Variants in ZNF701 observed in about 807,000 individuals in gnomAD.
ZNF701 encodes the protein zinc finger protein 701.
Under a neutral mutation model 7.1 loss-of-function variants are expected in ZNF701, and 6 were observed. The observed-to-expected ratio is 0.84, with a 90% CI of 0.46 to 1.66. ZNF701 has a LOEUF of 1.66. Among genes scored for constraint, ZNF701 ranks in the 40% most tolerant of loss-of-function variants. The pLI is 0.01. For missense variants in ZNF701, 541 were observed against 559.2 expected, an observed-to-expected ratio of 0.97 and a Z score of 0.33; for synonymous variants, 166 against 188.2, an observed-to-expected ratio of 0.88 and a Z score of 0.97.
Position 52,583,712 on chromosome 19 carries a change from T to A in ZNF701, c.*255T>A. 1.2e-6 allele frequency: 1 copy of A among 808,686 alleles called. No individual in the cohort carries two copies. Among genetic ancestry groups the A allele is most frequent in the Non-Finnish European group, 2.2e-6 (1 of 464,198 alleles). 50.1% of individuals were successfully genotyped at this position (808,686 alleles called of 1,614,324 possible). A position where few individuals can be genotyped will look rare whatever the true frequency, so the allele number is the denominator to read the frequency against. On this transcript the variant is annotated 3_prime_UTR_variant, in exon 4 of 4. Transcript: ENST00000391785. Reference sequence around the variant, plus strand: ...ACACTGGAAAGGAACTGTACAAGTGTAATGAGTGTGGCAGAGCCTTTGGTG... The same window carrying A: ...ACACTGGAAAGGAACTGTACAAGTGAAATGAGTGTGGCAGAGCCTTTGGTG...
chr19:52,576,267 G>A (rs1012782971), intron 3 of ZNF701, among the ~76,000 whole-genome samples: 4 of 152,088 alleles, frequency 2.6e-5, no homozygotes, highest in Non-Finnish European at 4.4e-5. Flanking sequence ...CAGGCCAGGC[G>A]TGGTGGCTCA....
At position 52,585,466 on chromosome 19, in the gene ZNF701, C is replaced by G. The variant is rs1049293845; in HGVS notation, c.*2009C>G. 3 of 151,852 alleles carry G rather than the reference C, an allele frequency of 2.0e-5. No individual in the cohort carries two copies. The highest frequency in any genetic ancestry group is 4.4e-5 in the Non-Finnish European group (3 of 67,996). 9.4% of individuals were successfully genotyped at this position (151,852 alleles called of 1,614,324 possible). On this transcript the variant is annotated 3_prime_UTR_variant, in exon 4 of 4. Coordinates refer to ENST00000391785, the MANE Select transcript of ZNF701 (RefSeq NM_018260.3). ...ACGTGCTTCTCCTGGAGGCAACCCT[C>G]TTTTTCCACCCTCGCCCTGTTGTTC...
chr19:52,576,824 C>T (rs1483319214), intron 3 of ZNF701, among the ~76,000 whole-genome samples: 1 of 152,158 alleles, frequency 6.6e-6, no homozygotes, highest in Non-Finnish European at 1.5e-5. Context: ...GCAGGAGTCT[C>T]ATGCTGATAT....
chr19:52,584,283 C>A lies in ZNF701; in HGVS notation c.*826C>A. ...CAGAATTGACTTGAGTTTGAGTTGA[C>A]TTAAAACATTCAGTTGAAGCATTAA... is the stretch of plus-strand genomic sequence containing the variant. On this transcript the variant is annotated 3_prime_UTR_variant, in exon 4 of 4. Transcript: ENST00000391785. The A allele has an allele frequency of 4.5e-6, 1 of 219,978 alleles. No individual in the cohort carries two copies. The highest frequency in any genetic ancestry group is 9.3e-6 in the Non-Finnish European group (1 of 107,294). The allele number at this position is 219,978 out of a possible 1,614,324, so 13.6% of individuals were successfully genotyped here.
At chr19:52,580,051 C>T (rs959610659) in intron 3 of ZNF701, among the ~76,000 whole-genome samples, 1 of 141,776 alleles carries the variant, frequency 7.1e-6, no homozygotes, top group Non-Finnish European at 1.5e-5. Context: ...ACACCATTCT[C>T]CTGCCTCAGC....
chr19:52,588,560 A>G, downstream of ZNF701: 1 of 393,806 alleles, frequency 2.5e-6, no homozygotes, highest in Non-Finnish European at 4.9e-6. Flanking sequence ...CATGCTATGT[A>G]AGGAAGCCAC....
chr19:52,572,549 C>T, intron 1 of ZNF701: 1 of 436,402 alleles, frequency 2.3e-6, no homozygotes, highest in South Asian at 2.0e-5. Flanking sequence ...CCAACCCTTT[C>T]CTTTATCCCT....
At chr19:52,576,148 A>G in intron 3 of ZNF701, 127 bp downstream of exon 3, 1 of 1,562,472 alleles carries the variant, frequency 6.4e-7, no homozygotes. Flanking sequence ...AGAAATGAAA[A>G]GCTTCATGAT....
rs1600068826 is a variant in ZNF701 at position 52,573,961 on chromosome 19, G to T, written c.-71-116G>T. The stretch of plus-strand genomic sequence containing the variant: ...AGAAATTTATTATCCCTGGTGCAGT[G>T]GGCAGCAGAGGTGACCATATTTTTT... On this transcript the variant is annotated intron_variant, in intron 1 of 3. Transcript: ENST00000391785. The T allele has an allele frequency of 7.6e-6, 8 of 1,052,704 alleles. No individual in the cohort carries two copies. The East Asian group carries it at 2.1e-4, about 28-fold the overall frequency. The allele number at this position is 1,052,704 out of a possible 1,614,324, so 65.2% of individuals were successfully genotyped here.
chr19:52,591,817 A>G (rs576181497), downstream of ZNF701, among the ~76,000 whole-genome samples: 16 of 152,250 alleles, frequency 1.1e-4, no homozygotes, highest in African/African-American at 3.6e-4. Flanking sequence ...TGGCCTCCCA[A>G]AGTACTGGGA....
chr19:52,597,085 CT>C, the ZNF701 span: 11 of 1,160,312 alleles, frequency 9.5e-6, no homozygotes, highest in South Asian at 1.2e-4. Flanking sequence ...GAAGACAGAT[CT>C]TACAAGTGTA....
At chr19:52,592,921 C>T in the ZNF701 span, among the ~76,000 whole-genome samples, 1 of 116,620 alleles carries the variant, frequency 8.6e-6, no homozygotes, top group East Asian at 2.2e-4. Flanking sequence ...GCAGAGGACC[C>T]TGCGGCCTTC....
downstream of ZNF701, among the ~76,000 whole-genome samples, chr19:52,589,478 C>CTTTT (rs11414668): frequency 2.9e-5 from 4 of 138,790 alleles, no homozygotes; most frequent in Non-Finnish European, 3.1e-5. Context: ...CACATGCCTG[C>CTTTT]TTTTTTTTTT....
chr19:52,575,094 T>C (rs1282071060), intron 2 of ZNF701, among the ~76,000 whole-genome samples: 2 of 152,088 alleles, frequency 1.3e-5, no homozygotes, highest in Non-Finnish European at 2.9e-5. Flanking sequence ...CTCAGCCTCC[T>C]GAGTAGCTGG....
At chr19:52,596,103 G>A in the ZNF701 span, 2 of 1,030,578 alleles carry the variant, frequency 1.9e-6, no homozygotes. Flanking sequence ...GTACACATGA[G>A]GGAAAAACCT....
intron 2 of ZNF701, 29 bp from the exon 3 acceptor site, chr19:52,575,866 C>T: frequency 2.9e-6 from 4 of 1,364,574 alleles, no homozygotes; most frequent in South Asian, 2.7e-5. Context: ...CTCCCATAAC[C>T]ATTTGCTTAA....
chr19:52,597,759 A>G, the ZNF701 span: 1 of 206,548 alleles, frequency 4.8e-6, no homozygotes, highest in Non-Finnish European at 1.0e-5. Flanking sequence ...GGTGATCGTC[A>G]TCTTGAGGGC....
the ZNF701 span, chr19:52,592,197 G>A: frequency 2.5e-6 from 4 of 1,575,342 alleles, no homozygotes; most frequent in Non-Finnish European, 3.5e-6. Flanking sequence ...GGGAAGTGAT[G>A]TTGGAGAACT....
At chr19:52,595,977 T>C in the ZNF701 span, 5 of 1,606,986 alleles carry the variant, frequency 3.1e-6, no homozygotes, top group South Asian at 5.5e-5. Flanking sequence ...GAGAAGTCTA[T>C]CAATGATGCT....
Sources: allele counts gnomAD v4.1 joint callset (sites outside exome capture counted in the v4.1 genomes callset), GRCh38; gene constraint gnomAD v4.1.1; transcripts MANE v1.5; gene names NCBI Gene and HGNC (gene_info 2026-07-23, HGNC 2026-07-21).